Variants in DMKN observed in about 807,000 individuals in gnomAD.
DMKN encodes the protein epidermis-specific secreted protein SK30/SK89.
In DMKN, 58 loss-of-function variants were observed where a neutral mutation model predicts 67.6. The ratio of observed to expected loss-of-function variants is 0.86; its 90% CI spans 0.69 to 1.07. The LOEUF is 1.07. DMKN is among the 50% of genes least tolerant of loss of function. DMKN has a pLI of 0.00. For missense variants in DMKN, 596 were observed against 601.5 expected, an observed-to-expected ratio of 0.99 and a Z score of 0.10; for synonymous variants, 240 against 232.3, an observed-to-expected ratio of 1.03 and a Z score of -0.30.
rs61739448 is a variant in DMKN at position 35,510,411 on chromosome 19, G to A, written c.919-159C>T. On this transcript the variant is annotated intron_variant, in intron 5 of 15. Transcript: ENST00000339686. ...CTCTTTAGCCTGTTGGTCGCTGCAG[G>A]AAGTTATTCCGAGCATGGAGAAGGC... is the stretch of plus-strand genomic sequence containing the variant. 1,595 of 1,552,388 alleles carry A rather than the reference G, an allele frequency of 1.0e-3. 20 individuals carry two copies. The African/African-American group carries it at 0.018, about 18-fold the overall frequency.
At chr19:35,509,836 T>G in intron 7 of DMKN, 75 bp downstream of exon 7, 129 of 1,547,994 alleles carry the variant, frequency 8.3e-5, no homozygotes, top group Non-Finnish European at 1.1e-4. Context: ...TGAGCAGAGT[T>G]GAGTTAGGAG....
At chr19:35,512,567 A>G in intron 2 of DMKN, 23 bp downstream of exon 2, 1 of 1,614,020 alleles carries the variant, frequency 6.2e-7, no homozygotes, top group Admixed American at 1.7e-5. Flanking sequence ...GGTGGCAGGT[A>G]GCAGGTCTGG....
chr19:35,506,103 G>A, intron 7 of DMKN, 117 bp from the exon 8 acceptor site: 2 of 1,597,920 alleles, frequency 1.3e-6, no homozygotes, highest in Non-Finnish European at 1.7e-6. Flanking sequence ...CCCAGCCCAA[G>A]GTGGAGTGTT....
At chr19:35,507,529 GGA>G (rs2069811211) in intron 7 of DMKN, 1 of 1,551,346 alleles carries the variant, frequency 6.4e-7, no homozygotes, top group Non-Finnish European at 8.7e-7. Context: ...GACAGAAAAC[GGA>G]GAGGAGTTGA....
In DMKN at chr19:35,511,528, G is replaced by A. The variant is rs1450254235; in HGVS notation, c.801C>T (p.Ser267=). ...SGSNGDNNNG[S]SSGGSSSGSS... ...TGCCACTGCTGCTGCCACCACTGCT[G>A]CTGCCATTGTTGTTGTCACCATTGC... Residue 267 remains serine, a synonymous_variant, in exon 5 of 16, where the codon AGC becomes AGT. Coordinates refer to ENST00000339686, the MANE Select transcript of DMKN (RefSeq NM_033317.5). 8 of 1,565,324 alleles carry A rather than the reference G, an allele frequency of 5.1e-6. No homozygotes were observed. Among genetic ancestry groups the A allele is most frequent in the Non-Finnish European group, 6.9e-6 (8 of 1,157,384 alleles).
At chr19:35,508,256 A>C in intron 7 of DMKN, 1 of 1,552,012 alleles carries the variant, frequency 6.4e-7, no homozygotes, top group Non-Finnish European at 8.7e-7. Flanking sequence ...GGGTGAGACA[A>C]AGAAACACAG....
rs79708754 is a variant in DMKN at position 35,501,153 on chromosome 19, C to T, written c.1240-573G>A. Among the ~76,000 whole-genome samples the T allele has an allele frequency of 6.2e-3, 942 of 152,232 alleles. 6 individuals carry two copies. Among genetic ancestry groups the T allele is most frequent in the African/African-American group, 0.021 (869 of 41,530 alleles). ...CCAGCGCAAGAGGAGAAACTCTAAG[C>T]GTTGAAAAGAAGTTCAGTTCCTGCC... On this transcript the variant is annotated intron_variant, in intron 11 of 15. Coordinates refer to ENST00000339686, the MANE Select transcript of DMKN (RefSeq NM_033317.5).
At chr19:35,500,261 T>C (rs2068129562) in intron 12 of DMKN, 1 of 1,412,184 alleles carries the variant, frequency 7.1e-7, no homozygotes. Context: ...CTCCTACTCC[T>C]CCTCCTGCCC....
At chr19:35,506,316 C>T in intron 7 of DMKN, 2 of 891,532 alleles carry the variant, frequency 2.2e-6, no homozygotes, top group Admixed American at 2.8e-5. Context: ...TATAAAGCTG[C>T]CTTCTCTTCC....
In DMKN at chr19:35,508,293, C is replaced by G. The variant is rs2070002386; in HGVS notation, c.1038+1618G>C. ...CCCCTGCTGAAGATCCTGAGGCCACCCCCGAAAATTAATGTATTGATTTAA... is the reference window on the plus strand; with the variant it reads ...CCCCTGCTGAAGATCCTGAGGCCACGCCCGAAAATTAATGTATTGATTTAA... On this transcript the variant is annotated intron_variant, in intron 7 of 15. Transcript: ENST00000339686. The G allele has an allele frequency of 5.2e-6, 8 of 1,545,558 alleles. No individual in the cohort carries two copies. The East Asian group carries it at 2.0e-4, about 38-fold the overall frequency.
chr19:35,513,325 C>T lies in DMKN; in HGVS notation c.151G>A (p.Val51Met), dbSNP rs1006214026. The change falls in exon 1 of 16, where the codon GTG (valine) becomes ATG (methionine). Residue 51 changes from valine to methionine, a missense_variant. By Grantham distance (21) the Val-to-Met change is conservative. Transcript: ENST00000339686. ...GCCTCTTTGCCAATGGCCTTTCCCA[C>T]CCCTTCGCTCAGGGCGTCTCCCAGG... ...HGLGDALSEG[V>M]GKAIGKEAGG... The T allele has an allele frequency of 6.8e-6, 11 of 1,614,076 alleles. No homozygotes were observed. Among genetic ancestry groups the T allele is most frequent in the African/African-American group, 1.3e-5 (1 of 74,948 alleles).
rs140056764 is a variant in DMKN at position 35,503,796 on chromosome 19, A to G, written c.1135-910T>C. Among the ~76,000 whole-genome samples, 694 of 152,070 alleles carry G rather than the reference A, an allele frequency of 4.6e-3. 3 individuals carry two copies. Among genetic ancestry groups the G allele is most frequent in the African/African-American group, 0.016 (649 of 41,504 alleles). On this transcript the variant is annotated intron_variant, in intron 9 of 15. Transcript: ENST00000339686. The stretch of plus-strand genomic sequence containing the variant: ...TGGCCAGAAATAGGTTCTAAGAGAG[A>G]GCTTGAGAAATAGGAATTCCAGGGC...
At position 35,500,031 on chromosome 19, in the gene DMKN, T is replaced by C. The variant is rs1348137181; in HGVS notation, c.1288-2A>G. 5 of 1,614,096 alleles carry C rather than the reference T, an allele frequency of 3.1e-6. No individual in the cohort carries two copies. Among genetic ancestry groups the C allele is most frequent in the Non-Finnish European group, 4.2e-6 (5 of 1,180,042 alleles). On this transcript the variant is annotated splice_acceptor_variant, in intron 12 of 15. Coordinates refer to ENST00000339686, the MANE Select transcript of DMKN (RefSeq NM_033317.5). LOFTEE classifies it high-confidence loss of function. ...CGCATGCTGGTTGTAATTGTAGTTC[T>C]GTGGAAGAAGTGGGCATGGCGGTTA...
chr19:35,498,942 T>C, intron 13 of DMKN, 45 bp from the exon 14 acceptor site: 1 of 1,614,034 alleles, frequency 6.2e-7, no homozygotes, highest in Non-Finnish European at 8.5e-7. Flanking sequence ...ATGGCCTCCC[T>C]GTACTCTGCC....
At chr19:35,505,841 C>A in intron 8 of DMKN, 76 bp from the exon 9 acceptor site, 3 of 1,613,488 alleles carry the variant, frequency 1.9e-6, no homozygotes, top group Non-Finnish European at 2.5e-6. Context: ...AGGGCCACTG[C>A]TGACTGTTGG....
intron 9 of DMKN, chr19:35,503,300 G>A (rs2068746386): frequency 1.3e-6 from 2 of 1,524,858 alleles, no homozygotes; most frequent in Admixed American, 2.2e-5. Context: ...GCAGAGGCCA[G>A]GAGTGTGGGG....
At position 35,513,269 on chromosome 19, in the gene DMKN, C is replaced by A. The variant is rs12460932; in HGVS notation, c.207G>T (p.Glu69Asp). 0.18 allele frequency: 291,506 copies of A among 1,614,086 alleles called. 32,570 individuals carry two copies. The highest frequency in any genetic ancestry group is 0.4 in the East Asian group (18,034 of 44,854). Residue 69 changes from glutamate (E) to aspartate (D), a missense_variant, in exon 1 of 16, where the codon GAG (glutamate) becomes GAT (aspartate). By Grantham distance (45) the Glu-to-Asp change is conservative (BLOSUM62 2). Transcript: ENST00000339686. ...AGGAAGSKVSEALGQGTREAV... is the reference protein window; with the variant it reads ...AGGAAGSKVSDALGQGTREAV... The stretch of plus-strand genomic sequence containing the variant: ...CTTCTCTGGTCCCTTGGCCAAGGGC[C>A]TCACTGACTTTAGAGCCAGCTGCCC...
intron 9 of DMKN, among the ~76,000 whole-genome samples, chr19:35,504,736 C>A (rs1272529262): frequency 6.6e-6 from 1 of 152,128 alleles, no homozygotes; most frequent in Non-Finnish European, 1.5e-5. Context: ...TGAGCCCAGT[C>A]TTCTCTCTTT....
At chr19:35,504,065 G>T (rs1476762885) in intron 9 of DMKN, among the ~76,000 whole-genome samples, 1 of 152,130 alleles carries the variant, frequency 6.6e-6, no homozygotes, top group East Asian at 1.9e-4. Context: ...CCTCTGCCCT[G>T]CCCTGCTTTC....
Sources: allele counts gnomAD v4.1 joint callset (sites outside exome capture counted in the v4.1 genomes callset), GRCh38; gene constraint gnomAD v4.1.1; transcripts MANE v1.5; gene names NCBI Gene and HGNC (gene_info 2026-07-23, HGNC 2026-07-21).